Variants in AQP1 observed in about 807,000 individuals in gnomAD.
AQP1 encodes aquaporin 1 (Colton blood group), also known as aquaporin-1.
Under a neutral mutation model 19.7 loss-of-function variants are expected in AQP1, and 11 were observed. That is an observed-to-expected ratio of 0.56 (90% confidence interval 0.35 to 0.92). The LOEUF (loss-of-function observed/expected upper bound fraction) is 0.92. AQP1 is among the 40% of genes least tolerant of loss of function. The pLI is 0.01. For missense variants in AQP1, 320 were observed against 369.7 expected, an observed-to-expected ratio of 0.87 and a Z score of 1.10; for synonymous variants, 159 against 166.7, an observed-to-expected ratio of 0.95 and a Z score of 0.36.
chr7:30,922,030 C>T, intron 1 of AQP1, 36 bp from the exon 2 acceptor site: 3 of 1,612,396 alleles, frequency 1.9e-6, no homozygotes, highest in Non-Finnish European at 2.5e-6. Flanking sequence ...CCTGCCTACC[C>T]TCCTCACCAG....
chr7:30,921,700 C>T (rs759512846), intron 1 of AQP1: 2 of 1,551,126 alleles, frequency 1.3e-6, no homozygotes, highest in South Asian at 2.4e-5. Flanking sequence ...TGACCATCAC[C>T]TTCATGCCTG....
At position 30,911,856 on chromosome 7, in the gene AQP1, T is replaced by G. The variant is rs964829654; in HGVS notation, c.-54T>G. ...GGCCCAGCCCAGGCTGTGGCTCAGC[T>G]CTCAGAGGGAATTGAGCACCCGGCA... On this transcript the variant is annotated 5_prime_UTR_variant, in exon 1 of 4. Transcript: ENST00000311813. 1.1e-5 allele frequency: 18 copies of G among 1,609,530 alleles called. No homozygotes were observed. The South Asian group carries it at 2.0e-4, about 18-fold the overall frequency.
intron 2 of AQP1, 141 bp downstream of exon 2, chr7:30,922,371 G>T: frequency 7.2e-7 from 1 of 1,396,362 alleles, no homozygotes; most frequent in South Asian, 1.3e-5. Flanking sequence ...CTGGGGGCTG[G>T]GGGCAGGGTC....
intron 1 of AQP1, among the ~76,000 whole-genome samples, chr7:30,914,939 G>A (rs1791274706): frequency 6.6e-6 from 1 of 152,238 alleles, no homozygotes; most frequent in Admixed American, 6.5e-5. Context: ...CTAGTTCTAA[G>A]AGCCAAATAC....
chr7:30,919,426 T>G (rs1584386281), intron 1 of AQP1, among the ~76,000 whole-genome samples: 1 of 152,166 alleles, frequency 6.6e-6, no homozygotes, highest in East Asian at 1.9e-4. Context: ...AGAGCTTGTA[T>G]CTTTCTGACA....
In AQP1 at chr7:30,922,085, C is replaced by T. The variant is rs781561245; in HGVS notation, c.404C>T (p.Ser135Leu). The T allele has an allele frequency of 2.5e-5, 41 of 1,613,916 alleles. No individual in the cohort carries two copies. The highest frequency in any genetic ancestry group is 1.5e-4 in the Admixed American group (9 of 60,012). Residue 135 changes from serine (S) to leucine (L), a missense_variant, in exon 2 of 4, where the codon TCG becomes TTG. Coordinates refer to ENST00000311813, the MANE Select transcript of AQP1 (RefSeq NM_198098.4). ...CTGCAGCTGGCTGATGGTGTGAACT[C>T]GGGCCAGGGCCTGGGCATCGAGATC... ...GRNDLADGVNSGQGLGIEIIG... is the reference protein window; with the variant it reads ...GRNDLADGVNLGQGLGIEIIG...
At chr7:30,921,719 C>A in intron 1 of AQP1, 1 of 1,550,876 alleles carries the variant, frequency 6.4e-7, no homozygotes, top group African/African-American at 1.4e-5. Flanking sequence ...TGGGGCTCGC[C>A]CCTTGCCTCT....
intron 1 of AQP1, chr7:30,913,482 T>C: frequency 6.6e-6 from 1 of 152,462 alleles, no homozygotes; most frequent in Non-Finnish European, 1.5e-5. Flanking sequence ...CTGGCGGGGC[T>C]GTGGGCAGGG....
At chr7:30,914,423 G>A (rs1359971985) in intron 1 of AQP1, among the ~76,000 whole-genome samples, 1 of 152,232 alleles carries the variant, frequency 6.6e-6, no homozygotes, top group Non-Finnish European at 1.5e-5. Flanking sequence ...TCCCACGAAA[G>A]CTGGCTAAGA....
intron 1 of AQP1, chr7:30,921,571 A>G: frequency 6.5e-7 from 1 of 1,546,998 alleles, no homozygotes; most frequent in Non-Finnish European, 8.7e-7. Context: ...AGGCCTCCTC[A>G]GCCCTGGAAT....
chr7:30,916,834 T>C (rs868178150), intron 1 of AQP1, among the ~76,000 whole-genome samples: 5 of 152,082 alleles, frequency 3.3e-5, no homozygotes, highest in South Asian at 2.1e-4. Context: ...GTCAATAAGC[T>C]CCCTGCCATT....
At position 30,912,176 on chromosome 7, in the gene AQP1, C is replaced by T. The variant is rs1267042531; in HGVS notation, c.267C>T (p.Ile89=). Residue 89 remains isoleucine (I), a synonymous_variant, in exon 1 of 4, where the codon ATC becomes ATT. Transcript: ENST00000311813. This position sits in a 1 kb window ranked among gnomAD's most constrained non-coding sequence, Gnocchi z 4.3. ...TGGGGCTGCTGCTCAGCTGCCAGAT[C>T]AGCATCTTCCGTGCCCTCATGTACA... ...VTLGLLLSCQ[I]SIFRALMYII... is the part of the protein sequence containing the mutation. 6.2e-7 allele frequency: 1 copy of T among 1,612,780 alleles called. No homozygotes were observed. Among genetic ancestry groups the T allele is most frequent in the South Asian group, 1.1e-5 (1 of 91,084 alleles).
intron 1 of AQP1, among the ~76,000 whole-genome samples, chr7:30,915,503 G>A (rs1791320078): frequency 6.6e-6 from 1 of 152,162 alleles, no homozygotes; most frequent in Non-Finnish European, 1.5e-5. Flanking sequence ...GAGGAGGTGA[G>A]GGCCGTGGTA....
In AQP1 at chr7:30,923,930, G is replaced by T. The variant is rs1415440365; in HGVS notation, c.*301G>T. On this transcript the variant is annotated 3_prime_UTR_variant, in exon 4 of 4. Coordinates refer to ENST00000311813, the MANE Select transcript of AQP1 (RefSeq NM_198098.4). This position sits in a 1 kb window ranked among gnomAD's most constrained non-coding sequence, Gnocchi z 4.8. ...GCTAGTCGCCCCTCAGAGCATGATG[G>T]GAGGTGTGCCAGAAAGTCCCCCCTC... The T allele has an allele frequency of 6.3e-6, 9 of 1,438,260 alleles. No homozygotes were observed. Among genetic ancestry groups the T allele is most frequent in the East Asian group, 3.4e-5 (1 of 29,740 alleles). 89.1% of individuals were successfully genotyped at this position (1,438,260 alleles called of 1,614,324 possible). A position where few individuals can be genotyped will look rare whatever the true frequency, so the allele number is the denominator to read the frequency against.
In AQP1 at chr7:30,923,557, C is replaced by T; in HGVS notation, c.738C>T (p.Thr246=). The change falls in exon 4 of 4, where the codon ACC becomes ACT. Residue 246 remains threonine, a synonymous_variant. Transcript: ENST00000311813. This position sits in a 1 kb window ranked among gnomAD's most constrained non-coding sequence, Gnocchi z 4.8. ...SDLTDRVKVW[T]SGQVEEYDLD... is the part of the protein sequence containing the mutation. ...TCACAGACCGCGTGAAGGTGTGGAC[C>T]AGCGGCCAGGTGGAGGAGTATGACC... 2.5e-6 allele frequency: 4 copies of T among 1,614,122 alleles called. No homozygotes were observed. The highest frequency in any genetic ancestry group is 3.4e-6 in the Non-Finnish European group (4 of 1,180,022).
chr7:30,924,180 C>A lies in AQP1; in HGVS notation c.*551C>A. On this transcript the variant is annotated 3_prime_UTR_variant, in exon 4 of 4. Transcript: ENST00000311813. ...GACCCGCTCGGACTTACTGCCTGAC[C>A]TTGGAATCGTCCCTATATCAGGGCC... 1 of 1,124,746 alleles carries A rather than the reference C, an allele frequency of 8.9e-7. No individual in the cohort carries two copies. Among genetic ancestry groups the A allele is most frequent in the Non-Finnish European group, 1.1e-6 (1 of 894,782 alleles). 69.7% of individuals were successfully genotyped at this position (1,124,746 alleles called of 1,614,324 possible).
At position 30,922,152 on chromosome 7, in the gene AQP1, C is replaced by T. The variant is rs150107539; in HGVS notation, c.471C>T (p.Thr157=). 1.7e-4 allele frequency: 279 copies of T among 1,613,788 alleles called. No individual in the cohort carries two copies. The Middle Eastern group carries it at 1.8e-3, about 10-fold the overall frequency. Residue 157 remains threonine (T), a synonymous_variant, in exon 2 of 4, where the codon ACC becomes ACT. Coordinates refer to ENST00000311813, the MANE Select transcript of AQP1 (RefSeq NM_198098.4). ...LQLVLCVLAT[T]DRRRRDLGGS... ...TGGTGCTATGCGTGCTGGCTACTAC[C>T]GACCGGAGGCGCCGTGACCTTGGTG...
chr7:30,913,846 C>A (rs930639130), intron 1 of AQP1, among the ~76,000 whole-genome samples: 2 of 49,682 alleles, frequency 4.0e-5, no homozygotes, highest in Non-Finnish European at 9.4e-5. Context: ...CAAGCTCTGC[C>A]CCCCCAGGCC....
Position 30,911,926 on chromosome 7 carries a change from A to G in AQP1, c.17A>G (p.Lys6Arg), listed in dbSNP as rs754247100. Residue 6 changes from lysine (K) to arginine (R), a missense_variant, in exon 1 of 4, where the codon AAG becomes AGG. By Grantham distance (26) the Lys-to-Arg change is conservative (BLOSUM62 2). Coordinates refer to ENST00000311813, the MANE Select transcript of AQP1 (RefSeq NM_198098.4). ...CCTGCCAGCATGGCCAGCGAGTTCA[A>G]GAAGAAGCTCTTCTGGAGGGCAGTG... MASEFKKKLFWRAVVA... is the reference protein window; with the variant it reads MASEFRKKLFWRAVVA... 10 of 1,613,304 alleles carry G rather than the reference A, an allele frequency of 6.2e-6. No individual in the cohort carries two copies. Among genetic ancestry groups the G allele is most frequent in the South Asian group, 1.1e-5 (1 of 91,086 alleles).
Sources: gnomAD v4.1 joint callset for allele counts (sites outside exome capture counted in the v4.1 genomes callset) on GRCh38, gnomAD v4.1.1 for gene constraint, Gnocchi (gnomAD v3.1) non-coding constraint, MANE v1.5 for transcripts, NCBI Gene and HGNC (gene_info 2026-07-23, HGNC 2026-07-21) for gene names.